Variants in SLC6A19 observed in about 807,000 individuals in gnomAD.
SLC6A19 encodes the protein sodium-dependent neutral amino acid transporter B(0)AT1.
SLC6A19 carries 67 observed loss-of-function variants against 68.3 expected under a neutral mutation model. The observed-to-expected ratio is 0.98, with a 90% confidence interval of 0.81 to 1.20. The LOEUF (loss-of-function observed/expected upper bound fraction) is 1.20, where lower values mean the gene tolerates loss of function less well. Among genes scored for constraint, SLC6A19 ranks in the 50% most tolerant of loss-of-function variants. SLC6A19 has a pLI of 0.00. For synonymous variants in SLC6A19, 392 were observed against 374.9 expected (o/e 1.05, Z -0.53); for missense variants, 813 against 851.6 (o/e 0.95, Z 0.56).
chr5:1,219,355 G>C, intron 9 of SLC6A19, 150 bp from the exon 10 acceptor site: 2 of 1,250,824 alleles, frequency 1.6e-6, no homozygotes, highest in South Asian at 2.6e-5. Context: ...CATGTGAGCA[G>C]CTCTGTCCCC....
rs1166241333 is a variant in SLC6A19, at chr5:1,213,830, G to T, written c.775-123G>T. 3 of 1,497,700 alleles carry T rather than the reference G, an allele frequency of 2.0e-6. No individual in the cohort carries two copies. The African/African-American group carries it at 4.1e-5, about 21-fold the overall frequency. 92.8% of individuals were successfully genotyped at this position (1,497,700 alleles called of 1,614,324 possible). On this transcript the variant is annotated intron_variant, in intron 5 of 11. Transcript: ENST00000304460. ...GAAGGCATAGCTGCCACCCCAGGGG[G>T]CCCTGGCCTGTCCTGACCACCCCAA...
intron 1 of SLC6A19, among the ~76,000 whole-genome samples, chr5:1,204,744 C>T (rs1272896328): frequency 1.3e-5 from 2 of 152,240 alleles, no homozygotes; most frequent in East Asian, 3.9e-4. Context: ...CCGGAGGAGC[C>T]ACCCCTTCCA....
intron 2 of SLC6A19, 86 bp downstream of exon 2, chr5:1,208,972 C>T (rs959925419): frequency 2.0e-5 from 30 of 1,496,126 alleles, no homozygotes; most frequent in South Asian, 3.7e-5. Context: ...TTCGCCTTGC[C>T]GGCCTCGGTG....
rs7718565 is a variant in SLC6A19 at position 1,223,886 on chromosome 5, T to C, written c.*1982T>C. 0.78 allele frequency: 118,733 copies of C among 152,304 alleles called. 46,529 individuals are homozygous for C. The highest frequency in any genetic ancestry group is 0.82 in the African/African-American group (33,954 of 41,490). The allele number at this position is 152,304 out of a possible 1,614,324, so 9.4% of individuals were successfully genotyped here. A position where few individuals can be genotyped will look rare whatever the true frequency, so the allele number is the denominator to read the frequency against. ...TCCAGCAGTGACTGCACACACTGAG[T>C]CCCCTACCAGCCCCTTTCACCCTGC... is the stretch of plus-strand genomic sequence containing the variant. On this transcript the variant is annotated 3_prime_UTR_variant, in exon 12 of 12. Transcript: ENST00000304460.
rs200798944 is a variant in SLC6A19, at chr5:1,213,607, C to T, written c.774+34C>T. The T allele has an allele frequency of 1.1e-4, 174 of 1,579,686 alleles. 1 individual carries two copies. The East Asian group carries it at 2.9e-3, about 27-fold the overall frequency. Reference sequence around the variant, plus strand: ...CCGAGGCTGCCCTGGGCCCAGACCCCGGGAGAGGCCTGGCTGCCCTGTGCC... The same window carrying T: ...CCGAGGCTGCCCTGGGCCCAGACCCTGGGAGAGGCCTGGCTGCCCTGTGCC... On this transcript the variant is annotated intron_variant, in intron 5 of 11. Transcript: ENST00000304460.
intron 1 of SLC6A19, among the ~76,000 whole-genome samples, chr5:1,205,864 C>A (rs1745837565): frequency 6.6e-6 from 1 of 152,200 alleles, no homozygotes; most frequent in African/African-American, 2.4e-5. Context: ...AGCCCCCACA[C>A]CCTCCCATAG....
intron 9 of SLC6A19, 143 bp from the exon 10 acceptor site, chr5:1,219,362 C>G (rs1047975617): frequency 1.3e-5 from 17 of 1,284,980 alleles, no homozygotes; most frequent in Non-Finnish European, 1.7e-5. Context: ...GCAGCTCTGT[C>G]CCCGGCAGTG....
chr5:1,210,103 C>T (rs1246121614), intron 2 of SLC6A19, among the ~76,000 whole-genome samples: 6 of 152,258 alleles, frequency 3.9e-5, no homozygotes, highest in African/African-American at 1.4e-4. Context: ...AAGTTCTCTG[C>T]GAAGGCGGTG....
intron 1 of SLC6A19, among the ~76,000 whole-genome samples, chr5:1,203,913 C>T (rs1745782823): frequency 6.6e-6 from 1 of 152,196 alleles, no homozygotes; most frequent in Non-Finnish European, 1.5e-5. Context: ...AGGGAGCTTT[C>T]AGGGAGGCAG....
intron 10 of SLC6A19, among the ~76,000 whole-genome samples, chr5:1,220,633 G>A (rs958899463): frequency 3.3e-5 from 5 of 152,110 alleles, no homozygotes; most frequent in Middle Eastern, 3.2e-3. Context: ...GGGGACCATG[G>A]GTACCCACCT....
chr5:1,224,699 G>A lies in SLC6A19; in HGVS notation c.*2795G>A, dbSNP rs1392432835. 6.6e-6 allele frequency: 1 copy of A among 152,430 alleles called. No individual in the cohort carries two copies. The highest frequency in any genetic ancestry group is 1.5e-5 in the Non-Finnish European group (1 of 68,174). 9.4% of individuals were successfully genotyped at this position (152,430 alleles called of 1,614,324 possible). A position where few individuals can be genotyped will look rare whatever the true frequency, so the allele number is the denominator to read the frequency against. ...TGAGGGGTGCAGTGTCCAGTGGAAT[G>A]GGGCAATTGCGGGCCTGGGGGCCCT... On this transcript the variant is annotated 3_prime_UTR_variant, in exon 12 of 12. Coordinates refer to ENST00000304460, the MANE Select transcript of SLC6A19 (RefSeq NM_001003841.3).
rs10706772 is a variant in SLC6A19, at chr5:1,202,689, C to CG, written c.202+844dup. Among the ~76,000 whole-genome samples the CG allele has an allele frequency of 2.6e-4, 39 of 151,792 alleles. 1 individual carries two copies. The South Asian group carries it at 3.3e-3, about 13-fold the overall frequency. ...CTTCCTGCTGCCCTGGGGCAGTTCA[C>CG]GGGGGGGCCGTGAAGGTCTCAGCCT... is the stretch of plus-strand genomic sequence containing the variant. On this transcript the variant is annotated intron_variant, in intron 1 of 11. Transcript: ENST00000304460.
chr5:1,218,831 G>A lies in SLC6A19; in HGVS notation c.1174-72G>A, dbSNP rs878883250. The stretch of plus-strand genomic sequence containing the variant: ...CATGCTGCGTGGCTTGGCGACGCAC[G>A]AGACCTCGGGCGGGGAGGAGACGGA... On this transcript the variant is annotated intron_variant, in intron 8 of 11. Transcript: ENST00000304460. The A allele has an allele frequency of 1.2e-4, 188 of 1,552,136 alleles. 3 individuals are homozygous for A. The South Asian group carries it at 2.1e-3, about 17-fold the overall frequency.
At chr5:1,216,251 C>T (rs1372398448) in intron 6 of SLC6A19, among the ~76,000 whole-genome samples, 1 of 152,164 alleles carries the variant, frequency 6.6e-6, no homozygotes, top group Non-Finnish European at 1.5e-5. Context: ...AGGCACAAGA[C>T]GGGGCGGAAA....
chr5:1,216,510 G>T, intron 6 of SLC6A19, 48 bp from the exon 7 acceptor site: 1 of 1,613,036 alleles, frequency 6.2e-7, no homozygotes, highest in South Asian at 1.1e-5. Flanking sequence ...GCTGTGTCCT[G>T]ACCTGGGACC....
At chr5:1,206,610 T>C (rs1477196540) in intron 1 of SLC6A19, among the ~76,000 whole-genome samples, 1 of 151,254 alleles carries the variant, frequency 6.6e-6, no homozygotes, top group Non-Finnish European at 1.5e-5. Flanking sequence ...ATGGAACACG[T>C]GTGTGGGGAA....
intron 1 of SLC6A19, among the ~76,000 whole-genome samples, chr5:1,202,079 T>C (rs1745722068): frequency 2.0e-5 from 3 of 152,040 alleles, no homozygotes; most frequent in Admixed American, 1.3e-4. Context: ...CAAGACTTCG[T>C]GTGGGGCTCC....
Position 1,201,912 on chromosome 5 carries a change from A to G in SLC6A19, c.202+60A>G, listed in dbSNP as rs578101834. On this transcript the variant is annotated intron_variant, in intron 1 of 11. Coordinates refer to ENST00000304460, the MANE Select transcript of SLC6A19 (RefSeq NM_001003841.3). Reference sequence around the variant, plus strand: ...TGGCCAGGGAAGCACAGACACACGCAGAGGCCCTGGGCAGACATCCTCCCC... The same window carrying G: ...TGGCCAGGGAAGCACAGACACACGCGGAGGCCCTGGGCAGACATCCTCCCC... 77 of 1,558,892 alleles carry G rather than the reference A, an allele frequency of 4.9e-5. No individual in the cohort carries two copies. In the South Asian group the frequency reaches 8.6e-4, roughly 17 times the overall value.
intron 8 of SLC6A19, among the ~76,000 whole-genome samples, chr5:1,218,307 G>A (rs1175184237): frequency 1.3e-5 from 2 of 152,162 alleles, no homozygotes; most frequent in Admixed American, 6.5e-5. Flanking sequence ...CCACGGAGCT[G>A]GGCAGGTCCC....
Sources: gnomAD v4.1 joint callset for allele counts (sites outside exome capture counted in the v4.1 genomes callset) on GRCh38, gnomAD v4.1.1 for gene constraint, MANE v1.5 for transcripts, NCBI Gene and HGNC (gene_info 2026-07-23, HGNC 2026-07-21) for gene names.